Variants in ASIP observed in about 807,000 individuals in gnomAD.
ASIP encodes agouti-signaling protein.
In ASIP, 11 loss-of-function variants were observed where a neutral mutation model predicts 10.3. The observed-to-expected ratio is 1.07, with a 90% confidence interval of 0.68 to 1.78. The LOEUF (loss-of-function observed/expected upper bound fraction) is 1.78. ASIP is among the 40% of genes most tolerant of loss of function. The probability of loss-of-function intolerance (pLI) is 0.00; values close to 1 mark genes in which losing one functional copy is unlikely to be tolerated. For synonymous variants in ASIP, 70 were observed against 70.8 expected (o/e 0.99, Z 0.06); for missense variants, 180 against 169.2 (o/e 1.06, Z -0.35).
At chr20:34,203,036 C>T (rs943107693) in intron 1 of ASIP, among the ~76,000 whole-genome samples, 1 of 151,934 alleles carries the variant, frequency 6.6e-6, no homozygotes, top group African/African-American at 2.4e-5. Flanking sequence ...TGTCAATCTC[C>T]TGACCTCATG....
rs193157765 is a variant in ASIP, at chr20:34,197,481, T to C, written c.-11+2721T>C. On this transcript the variant is annotated intron_variant, in intron 1 of 3. Coordinates refer to the ASIP transcript ENST00000568305. ...AGGACTTGTTCAATACAGTCAGTAATTGGGCTTTTAGAAAGAGGAAAAGTA... is the reference window on the plus strand; with the variant it reads ...AGGACTTGTTCAATACAGTCAGTAACTGGGCTTTTAGAAAGAGGAAAAGTA... Among the ~76,000 whole-genome samples the C allele has an allele frequency of 2.1e-3, 327 of 152,338 alleles. 3 individuals are homozygous for C. Among genetic ancestry groups the C allele is most frequent in the African/African-American group, 7.7e-3 (319 of 41,566 alleles).
the ASIP span, among the ~76,000 whole-genome samples, chr20:34,187,528 C>T: frequency 6.6e-6 from 1 of 152,170 alleles, no homozygotes; most frequent in African/African-American, 2.4e-5. Flanking sequence ...AATCTACTGA[C>T]GGTGTTTTCG....
the ASIP span, among the ~76,000 whole-genome samples, chr20:34,188,148 G>A: frequency 6.6e-6 from 1 of 152,198 alleles, no homozygotes; most frequent in Non-Finnish European, 1.5e-5. Context: ...ATTTATGTGT[G>A]CCATTCTATC....
At chr20:34,263,398 C>G in intron 3 of ASIP, among the ~76,000 whole-genome samples, 1 of 152,092 alleles carries the variant, frequency 6.6e-6, no homozygotes, top group East Asian at 1.9e-4. Context: ...AACCCCGTCT[C>G]TACTAAAAAT....
At chr20:34,196,077 G>A (rs2034853912) in intron 1 of ASIP, among the ~76,000 whole-genome samples, 2 of 151,690 alleles carry the variant, frequency 1.3e-5, no homozygotes, top group Admixed American at 1.3e-4. Flanking sequence ...TAGCAAAGAT[G>A]CCATTACAGT....
At chr20:34,257,012 T>C (rs2035580497) in intron 1 of ASIP, among the ~76,000 whole-genome samples, 1 of 152,128 alleles carries the variant, frequency 6.6e-6, no homozygotes, top group Non-Finnish European at 1.5e-5. Flanking sequence ...ACTTTCCTTG[T>C]TTTTTAAAGT....
chr20:34,186,647 G>A, the ASIP span, among the ~76,000 whole-genome samples: 1 of 151,984 alleles, frequency 6.6e-6, no homozygotes, highest in African/African-American at 2.4e-5. Context: ...AAGCTGGAAA[G>A]AAAATGGGCC....
At chr20:34,219,057 A>G (rs1449717867) in intron 1 of ASIP, among the ~76,000 whole-genome samples, 3 of 152,172 alleles carry the variant, frequency 2.0e-5, no homozygotes, top group East Asian at 3.9e-4. Context: ...GATGTACACT[A>G]TAGGCAGTTG....
At chr20:34,241,364 T>A (rs2035281149), upstream of ASIP, 1 of 783,726 alleles carries the variant, frequency 1.3e-6, no homozygotes, top group East Asian at 1.3e-4. Context: ...TTTGAAATAA[T>A]TTTGTAGTAT....
intron 2 of ASIP, among the ~76,000 whole-genome samples, chr20:34,260,873 T>C (rs1239542980): frequency 2.6e-5 from 4 of 152,182 alleles, no homozygotes; most frequent in African/African-American, 4.8e-5. Context: ...CCAGAACATA[T>C]GCAAGTCTGG....
chr20:34,252,381 T>C (rs2035491591), intron 1 of ASIP, among the ~76,000 whole-genome samples: 1 of 152,088 alleles, frequency 6.6e-6, no homozygotes, highest in African/African-American at 2.4e-5. Flanking sequence ...GCAAAGGAAT[T>C]AGTATCATGA....
intron 2 of ASIP, 47 bp downstream of exon 2, chr20:34,260,581 G>A (rs2035673238): frequency 2.6e-6 from 4 of 1,545,580 alleles, no homozygotes; most frequent in Non-Finnish European, 3.5e-6. Flanking sequence ...GGGGCTGCAG[G>A]AGATCAAGCA....
At chr20:34,207,589 G>A (rs182207203) in intron 1 of ASIP, among the ~76,000 whole-genome samples, 1 of 152,200 alleles carries the variant, frequency 6.6e-6, no homozygotes, top group East Asian at 1.9e-4. Flanking sequence ...TCTTACTCAA[G>A]AAATCTTTGC....
intron 1 of ASIP, among the ~76,000 whole-genome samples, chr20:34,247,558 A>G (rs1253537251): frequency 6.6e-6 from 1 of 151,918 alleles, no homozygotes; most frequent in Non-Finnish European, 1.5e-5. Flanking sequence ...CAGCCTCCCA[A>G]AGTGCTAGGA....
chr20:34,210,129 C>G (rs1335366983), intron 1 of ASIP, among the ~76,000 whole-genome samples: 1 of 152,242 alleles, frequency 6.6e-6, no homozygotes, highest in Admixed American at 6.5e-5. Context: ...ACACCTCATT[C>G]TTCCTGGACG....
At chr20:34,225,893 T>C (rs1208018597) in intron 1 of ASIP, among the ~76,000 whole-genome samples, 1 of 114,796 alleles carries the variant, frequency 8.7e-6, no homozygotes, top group African/African-American at 3.2e-5. Flanking sequence ...GTGCACCTAC[T>C]TTTTTTTTTT....
Position 34,269,174 on chromosome 20 carries a change from C to G in ASIP, c.*7C>G, listed in dbSNP as rs1490698365. The G allele has an allele frequency of 6.7e-7, 1 of 1,498,584 alleles. No individual in the cohort carries two copies. The highest frequency in any genetic ancestry group is 1.4e-5 in the African/African-American group (1 of 69,192). The allele number at this position is 1,498,584 out of a possible 1,614,324, so 92.8% of individuals were successfully genotyped here. A position where few individuals can be genotyped will look rare whatever the true frequency, so the allele number is the denominator to read the frequency against. The stretch of plus-strand genomic sequence containing the variant: ...GCTCAGCCTCAACTGCTGAGCGCCC[C>G]CACTCCCGGCCGCGAGCAGGCAGGG... On this transcript the variant is annotated 3_prime_UTR_variant, in exon 4 of 4. Coordinates refer to ENST00000374954, the MANE Select transcript of ASIP (RefSeq NM_001672.3).
At chr20:34,187,323 G>A in the ASIP span, among the ~76,000 whole-genome samples, 6 of 152,174 alleles carry the variant, frequency 3.9e-5, no homozygotes, top group African/African-American at 1.2e-4. Flanking sequence ...GCAGAATTCT[G>A]AAATCTTTGC....
At chr20:34,192,514 T>C (rs1218008726), upstream of ASIP, among the ~76,000 whole-genome samples, 1 of 134,346 alleles carries the variant, frequency 7.4e-6, no homozygotes, top group African/African-American at 3.6e-5. Context: ...TCCTTTTTTT[T>C]CTTCTTCTTT....
Sources: allele counts gnomAD v4.1 joint callset (sites outside exome capture counted in the v4.1 genomes callset), GRCh38; gene constraint gnomAD v4.1.1; transcripts MANE v1.5; gene names NCBI Gene and HGNC (gene_info 2026-07-23, HGNC 2026-07-21).